Variants in RRM1 observed in about 807,000 individuals in gnomAD.
RRM1 encodes ribonucleoside-diphosphate reductase large subunit.
RRM1 carries 19 observed loss-of-function variants against 101.5 expected under a neutral mutation model. That is an observed-to-expected ratio of 0.19 (90% CI 0.13 to 0.27). The LOEUF is 0.27. RRM1 is among the 10% of genes least tolerant of loss of function. The pLI is 1.00. For synonymous variants in RRM1, 298 were observed against 323.4 expected (o/e 0.92, Z 0.84); for missense variants, 500 against 962.9 (o/e 0.52, Z 6.36).
intron 3 of RRM1, 36 bp from the exon 4 acceptor site, chr11:4,107,399 T>C: frequency 7.4e-7 from 1 of 1,343,404 alleles, no homozygotes; most frequent in Non-Finnish European, 1.1e-6. Flanking sequence ...TGTTAAGTGG[T>C]CTTGATATAT....
intron 2 of RRM1, among the ~76,000 whole-genome samples, chr11:4,103,993 C>T (rs2094555277): frequency 6.7e-6 from 1 of 149,488 alleles, no homozygotes; most frequent in Admixed American, 6.7e-5. Flanking sequence ...TGGCGCATAC[C>T]AGTAGTCCCA....
intron 9 of RRM1, among the ~76,000 whole-genome samples, chr11:4,120,588 A>G (rs904849471): frequency 5.3e-5 from 8 of 151,970 alleles, no homozygotes; most frequent in African/African-American, 1.9e-4. Flanking sequence ...CTGATCTCAA[A>G]CTCCTAGGCT....
chr11:4,122,728 C>A (rs2133309824), intron 11 of RRM1, among the ~76,000 whole-genome samples: 1 of 152,130 alleles, frequency 6.6e-6, no homozygotes, highest in South Asian at 2.1e-4. Context: ...CAAAAATTAG[C>A]TGGGCGTGGT....
At chr11:4,129,008 G>GTTTTTT in intron 14 of RRM1, 66 bp from the exon 15 acceptor site, 3 of 669,160 alleles carry the variant, frequency 4.5e-6, no homozygotes, top group South Asian at 5.2e-5. Flanking sequence ...TCATTTGTGG[G>GTTTTTT]TTTTTTTTTT....
At chr11:4,104,251 C>A (rs1565179637) in intron 2 of RRM1, among the ~76,000 whole-genome samples, 3 of 152,174 alleles carry the variant, frequency 2.0e-5, no homozygotes. Context: ...ACTGAACACA[C>A]CTTATCTGCT....
At chr11:4,104,123 A>G (rs2133289331) in intron 2 of RRM1, among the ~76,000 whole-genome samples, 1 of 152,256 alleles carries the variant, frequency 6.6e-6, no homozygotes, top group East Asian at 1.9e-4. Flanking sequence ...AAAGAAAAAA[A>G]GAAAAACTGT....
Position 4,098,829 on chromosome 11 carries a change from C to G in RRM1, c.20-3164C>G, listed in dbSNP as rs1029710675. On this transcript the variant is annotated intron_variant, in intron 1 of 18. Coordinates refer to ENST00000300738, the MANE Select transcript of RRM1 (RefSeq NM_001033.5). ...CATAATAATCAGTTAATTTCAGATA[C>G]TGATTAATGAGATGATAGTAAAACA... is the stretch of plus-strand genomic sequence containing the variant. Among the ~76,000 whole-genome samples the G allele has an allele frequency of 3.3e-5, 5 of 152,076 alleles. No homozygotes were observed. In the South Asian group the frequency reaches 6.2e-4, roughly 19 times the overall value.
At position 4,107,388 on chromosome 11, in the gene RRM1, C is replaced by G. The variant is rs367738851; in HGVS notation, c.287-47C>G. The G allele has an allele frequency of 1.5e-5, 19 of 1,226,108 alleles. No homozygotes were observed. In the South Asian group the frequency reaches 2.1e-4, roughly 13 times the overall value. The allele number at this position is 1,226,108 out of a possible 1,614,324, so 76.0% of individuals were successfully genotyped here. ...AACTATTACCTAAAGATTGAATTAG[C>G]TGTTAAGTGGTCTTGATATATTTTC... On this transcript the variant is annotated intron_variant, in intron 3 of 18. Coordinates refer to ENST00000300738, the MANE Select transcript of RRM1 (RefSeq NM_001033.5).
chr11:4,124,977 C>T (rs1182774367), intron 12 of RRM1, among the ~76,000 whole-genome samples: 3 of 149,742 alleles, frequency 2.0e-5, no homozygotes, highest in Admixed American at 6.6e-5. Context: ...TGTAGTGGCT[C>T]GATCTCGGCT....
chr11:4,104,987 A>G (rs1479960629), intron 2 of RRM1, among the ~76,000 whole-genome samples: 5 of 152,208 alleles, frequency 3.3e-5, no homozygotes, highest in South Asian at 4.1e-4. Flanking sequence ...AAACCCTTAT[A>G]TAGAATCAGT....
At chr11:4,130,966 C>T (rs2094599044) in intron 15 of RRM1, among the ~76,000 whole-genome samples, 1 of 151,804 alleles carries the variant, frequency 6.6e-6, no homozygotes, top group Admixed American at 6.6e-5. Context: ...GGAGAACCAC[C>T]CCCCAAAAAA....
chr11:4,101,559 AC>A lies in RRM1; in HGVS notation c.20-425del, dbSNP rs1210051127. ...GAACTCCTGACCTCCAGTGATCCAC[AC>A]CCCCCCCCGCTCCCTTGGCCTCCCA... On this transcript the variant is annotated intron_variant, in intron 1 of 18. Transcript: ENST00000300738. Among the ~76,000 whole-genome samples the A allele has an allele frequency of 3.8e-5, 4 of 105,916 alleles. 1 individual carries two copies. Among genetic ancestry groups the A allele is most frequent in the African/African-American group, 1.3e-4 (3 of 22,822 alleles). The allele number at this position is 105,916 out of a possible 152,430, so 69.5% of individuals were successfully genotyped here.
intron 4 of RRM1, among the ~76,000 whole-genome samples, chr11:4,108,713 T>C (rs2094561652): frequency 6.6e-6 from 1 of 151,832 alleles, no homozygotes; most frequent in South Asian, 2.1e-4. Context: ...TTGTGTAATC[T>C]CGAAGACAAG....
intron 18 of RRM1, 64 bp from the exon 19 acceptor site, chr11:4,138,131 T>C (rs2094617231): frequency 1.1e-6 from 1 of 887,402 alleles, no homozygotes; most frequent in South Asian, 2.1e-5. Context: ...TTTTAAATAT[T>C]GGTGTGGAAT....
At chr11:4,114,888 T>A (rs2094570586) in intron 7 of RRM1, among the ~76,000 whole-genome samples, 1 of 152,104 alleles carries the variant, frequency 6.6e-6, no homozygotes, top group Non-Finnish European at 1.5e-5. Flanking sequence ...AATTTTTGTA[T>A]TTTTAATACA....
chr11:4,114,858 G>A (rs561979590), intron 7 of RRM1, among the ~76,000 whole-genome samples: 18 of 151,862 alleles, frequency 1.2e-4, no homozygotes, highest in Non-Finnish European at 1.5e-4. Flanking sequence ...GATTACAGGC[G>A]TGCACCACCA....
Position 4,107,424 on chromosome 11 carries a change from G to A in RRM1, c.287-11G>A. Reference sequence around the variant, plus strand: ...TCTTGATATATTTTCATTTTTTGTTGTATTTTTTAGATGTGATGGAAGACC... The same window carrying A: ...TCTTGATATATTTTCATTTTTTGTTATATTTTTTAGATGTGATGGAAGACC... On this transcript the variant is annotated splice_polypyrimidine_tract_variant and intron_variant, in intron 3 of 18. Coordinates refer to ENST00000300738, the MANE Select transcript of RRM1 (RefSeq NM_001033.5). The A allele has an allele frequency of 6.4e-7, 1 of 1,554,598 alleles. No homozygotes were observed. Among genetic ancestry groups the A allele is most frequent in the Non-Finnish European group, 8.9e-7 (1 of 1,128,068 alleles).
chr11:4,121,442 C>A, intron 9 of RRM1, 162 bp from the exon 10 acceptor site: 1 of 469,008 alleles, frequency 2.1e-6, no homozygotes. Context: ...ATTACTTTTA[C>A]AATTATATAT....
At chr11:4,128,127 C>T (rs1178755966) in intron 14 of RRM1, among the ~76,000 whole-genome samples, 1 of 150,766 alleles carries the variant, frequency 6.6e-6, no homozygotes, top group Non-Finnish European at 1.5e-5. Context: ...GTTAGGTCCA[C>T]ATAGGATAAT....
Sources: gnomAD v4.1 joint callset for allele counts (sites outside exome capture counted in the v4.1 genomes callset) on GRCh38, gnomAD v4.1.1 for gene constraint, MANE v1.5 for transcripts, NCBI Gene and HGNC (gene_info 2026-07-23, HGNC 2026-07-21) for gene names.